Variants in IL1RAPL2 observed in about 807,000 individuals in gnomAD.
The protein encoded by IL1RAPL2 is X-linked interleukin-1 receptor accessory protein-like 2.
A neutral mutation model predicts 44.1 loss-of-function variants in IL1RAPL2; 3 were observed. That is an observed-to-expected ratio of 0.07 (90% CI 0.03 to 0.18). The LOEUF is 0.18. IL1RAPL2 is among the 10% of genes least tolerant of loss of function. The probability of loss-of-function intolerance (pLI) is 1.00; values close to 1 mark genes in which losing one functional copy is unlikely to be tolerated. For missense variants in IL1RAPL2, 391 were observed against 496.4 expected (o/e 0.79, Z 2.02); for synonymous variants, 181 against 178.8 (o/e 1.01, Z -0.10).
chrX:104,941,172 C>T (rs987090947), intron 2 of IL1RAPL2, among the ~76,000 whole-genome samples: 22 of 110,429 alleles, frequency 2.0e-4, no homozygotes, highest in Admixed American at 1.5e-3. Context: ...TATGTGTGCA[C>T]GTGTCTTTAT....
chrX:105,327,072 G>A (rs1282853556), intron 5 of IL1RAPL2, among the ~76,000 whole-genome samples: 4 of 112,000 alleles, frequency 3.6e-5, no homozygotes, highest in Non-Finnish European at 5.6e-5. Flanking sequence ...TCTAAAGAAG[G>A]TTTAACAGGA....
chrX:105,700,465 T>C (rs1203138941), intron 6 of IL1RAPL2, among the ~76,000 whole-genome samples: 2 of 111,754 alleles, frequency 1.8e-5, no homozygotes, highest in Admixed American at 9.5e-5. Flanking sequence ...CCTGTAATTT[T>C]ATTCCCTTCA....
intron 2 of IL1RAPL2, among the ~76,000 whole-genome samples, chrX:104,780,283 T>G (rs1372052328): frequency 4.5e-5 from 5 of 112,230 alleles, no homozygotes; most frequent in Non-Finnish European, 1.9e-5. Context: ...ATTCAGCCAC[T>G]GATAGCCTCT....
In IL1RAPL2 at chrX:104,829,990, A is replaced by G. The variant is rs142172209; in HGVS notation, c.82+170995A>G. Among the ~76,000 whole-genome samples the G allele has an allele frequency of 5.4e-4, 60 of 112,089 alleles. No homozygotes were observed. The East Asian group carries it at 0.016, about 29-fold the overall frequency. On this transcript the variant is annotated intron_variant, in intron 2 of 10. Transcript: ENST00000372582. Reference sequence around the variant, plus strand: ...TATAGTCATGCAGCTGGTTAAGAGTAGAGCTGGGATTCAAACTCTGGTCTT... The same window carrying G: ...TATAGTCATGCAGCTGGTTAAGAGTGGAGCTGGGATTCAAACTCTGGTCTT...
chrX:105,133,112 A>G (rs997343077), intron 2 of IL1RAPL2, among the ~76,000 whole-genome samples: 1 of 112,110 alleles, frequency 8.9e-6, no homozygotes, highest in Non-Finnish European at 1.9e-5. Flanking sequence ...ATAACTGTCT[A>G]AAAATTATAC....
intron 10 of IL1RAPL2, among the ~76,000 whole-genome samples, chrX:105,758,181 T>C (rs1223914828): frequency 9.0e-6 from 1 of 111,613 alleles, no homozygotes; most frequent in Non-Finnish European, 1.9e-5. Flanking sequence ...AAACTAGCAA[T>C]GAGGCCTTTG....
intron 1 of IL1RAPL2, among the ~76,000 whole-genome samples, chrX:104,607,047 A>G (rs1929030831): frequency 1.8e-5 from 2 of 111,734 alleles, no homozygotes; most frequent in South Asian, 7.5e-4. Flanking sequence ...AGACCTATAG[A>G]CCAATGGAAC....
intron 2 of IL1RAPL2, among the ~76,000 whole-genome samples, chrX:104,956,171 C>T (rs1441233887): frequency 1.8e-5 from 2 of 112,057 alleles, no homozygotes; most frequent in African/African-American, 6.5e-5. Flanking sequence ...TTTTCCTTCA[C>T]TCACAGCTTT....
chrX:104,779,302 G>A (rs1481530509), intron 2 of IL1RAPL2, among the ~76,000 whole-genome samples: 5 of 112,308 alleles, frequency 4.5e-5, no homozygotes, highest in African/African-American at 1.6e-4. Context: ...TCATGTGCTT[G>A]GAAGCACTAA....
At chrX:104,748,196 G>T (rs1267026722) in intron 2 of IL1RAPL2, among the ~76,000 whole-genome samples, 4 of 111,449 alleles carry the variant, frequency 3.6e-5, no homozygotes, top group Non-Finnish European at 7.5e-5. Flanking sequence ...ATTTACATTT[G>T]TAAAGGACCA....
intron 2 of IL1RAPL2, among the ~76,000 whole-genome samples, chrX:104,903,766 G>C (rs772732602): frequency 9.1e-6 from 1 of 109,635 alleles, no homozygotes; most frequent in Admixed American, 9.8e-5. Flanking sequence ...TTTAGTAGAA[G>C]CGGGATTTTG....
At chrX:105,436,925 A>G (rs2147753464) in intron 5 of IL1RAPL2, among the ~76,000 whole-genome samples, 1 of 109,209 alleles carries the variant, frequency 9.2e-6, no homozygotes, top group Admixed American at 9.9e-5. Flanking sequence ...ATGGAACAAT[A>G]AAAATAAGTG....
At chrX:105,507,229 C>T (rs2036436945) in intron 6 of IL1RAPL2, among the ~76,000 whole-genome samples, 1 of 111,490 alleles carries the variant, frequency 9.0e-6, no homozygotes, top group African/African-American at 3.3e-5. Flanking sequence ...ATTTGAATGC[C>T]TCATATATTC....
intron 1 of IL1RAPL2, among the ~76,000 whole-genome samples, chrX:104,575,476 T>C (rs139836688): frequency 0.012 from 1,360 of 111,626 alleles, 29 homozygotes; most frequent in African/African-American, 0.041. Flanking sequence ...ACACTTGCAG[T>C]GATTCTAGAG....
intron 3 of IL1RAPL2, chrX:105,220,478 T>G: frequency 1.1e-6 from 1 of 890,403 alleles, no homozygotes; most frequent in Non-Finnish European, 1.5e-6. Flanking sequence ...CCTTAGCCCC[T>G]CCCCTCATCC....
chrX:104,792,673 T>G (rs942098317), intron 2 of IL1RAPL2, among the ~76,000 whole-genome samples: 2 of 111,294 alleles, frequency 1.8e-5, no homozygotes, highest in Admixed American at 1.9e-4. Flanking sequence ...AAACAAAGGG[T>G]GGCTGACAGT....
intron 2 of IL1RAPL2, among the ~76,000 whole-genome samples, chrX:104,960,398 C>T (rs1428903318): frequency 1.8e-5 from 2 of 111,772 alleles, no homozygotes; most frequent in African/African-American, 6.5e-5. Context: ...AGAATGAAAA[C>T]TTGAACCCAA....
intron 4 of IL1RAPL2, among the ~76,000 whole-genome samples, chrX:105,262,574 A>G (rs60566702): frequency 0.02 from 2,229 of 111,553 alleles, 49 homozygotes; most frequent in African/African-American, 0.069. Flanking sequence ...TTTTTTTTAA[A>G]TAGGTGAAGC....
At chrX:105,188,138 G>A (rs1199555190) in intron 2 of IL1RAPL2, among the ~76,000 whole-genome samples, 1 of 111,395 alleles carries the variant, frequency 9.0e-6, no homozygotes, top group Non-Finnish European at 1.9e-5. Flanking sequence ...AAGGCTTAAT[G>A]TTTTATGGAA....
Sources: allele counts gnomAD v4.1 joint callset (sites outside exome capture counted in the v4.1 genomes callset), GRCh38; gene constraint gnomAD v4.1.1; transcripts MANE v1.5; gene names NCBI Gene and HGNC (gene_info 2026-07-23, HGNC 2026-07-21).